MEF2C: variants seen among roughly 807,000 people sequenced by gnomAD.
The protein encoded by MEF2C is myocyte-specific enhancer factor 2C.
MEF2C carries 6 observed loss-of-function variants against 50.5 expected under a neutral mutation model. The ratio of observed to expected loss-of-function variants is 0.12; its 90% CI spans 0.07 to 0.23. MEF2C has a LOEUF of 0.23. Ranked by LOEUF, MEF2C falls within the 10% of genes least tolerant of loss-of-function variation. The pLI, the probability that MEF2C is intolerant of heterozygous loss-of-function variation, is 1.00. For missense variants in MEF2C, 276 were observed against 605.0 expected (o/e 0.46, Z 5.70); for synonymous variants, 183 against 228.0 (o/e 0.80, Z 1.78).
At chr5:88,805,587 T>A (rs1004959599) in intron 2 of MEF2C, among the ~76,000 whole-genome samples, 11 of 152,126 alleles carry the variant, frequency 7.2e-5, no homozygotes, top group Non-Finnish European at 1.5e-4. Context: ...CTCGATGATC[T>A]CCCTGCCTGG....
chr5:88,897,127 A>G (rs574811865), intron 1 of MEF2C, among the ~76,000 whole-genome samples: 1 of 152,328 alleles, frequency 6.6e-6, no homozygotes, highest in East Asian at 1.9e-4. Context: ...GATGCATGTT[A>G]TAGATAATAT....
intron 6 of MEF2C, chr5:88,740,760 C>G: frequency 1.0e-6 from 1 of 984,572 alleles, no homozygotes; most frequent in Non-Finnish European, 1.2e-6. Flanking sequence ...CATAAAAATG[C>G]TATTGAACCA....
chr5:88,843,281 T>G, intron 1 of MEF2C: 4 of 926,766 alleles, frequency 4.3e-6, no homozygotes, highest in Non-Finnish European at 5.1e-6. Context: ...TACTCCATTA[T>G]CCATGTGAGA....
intron 1 of MEF2C, among the ~76,000 whole-genome samples, chr5:88,834,725 G>A (rs1442088659): frequency 1.3e-5 from 2 of 152,200 alleles, no homozygotes; most frequent in East Asian, 3.9e-4. Context: ...TTATTTGGAG[G>A]ATGAATACTC....
At chr5:88,889,379 T>TC (rs879606845) in intron 1 of MEF2C, 5,590 of 149,562 alleles carry the variant, frequency 0.037, 124 homozygotes, top group Non-Finnish European at 0.05. Flanking sequence ...CGTCTCTGCT[T>TC]CCCCCCCCTT....
Position 88,822,964 on chromosome 5 carries a change from C to A in MEF2C, c.54+771G>T, listed in dbSNP as rs150699716. Among the ~76,000 whole-genome samples the A allele has an allele frequency of 2.6e-3, 397 of 152,080 alleles. 3 individuals carry two copies. Among genetic ancestry groups the A allele is most frequent in the African/African-American group, 8.9e-3 (371 of 41,536 alleles). Reference sequence around the variant, plus strand: ...ACCCAGCTGTCCTTACATAGCCTAACTAAATCCACTCTCCCCTAGTGTGAA... The same window carrying A: ...ACCCAGCTGTCCTTACATAGCCTAAATAAATCCACTCTCCCCTAGTGTGAA... On this transcript the variant is annotated intron_variant, in intron 2 of 10. Coordinates refer to ENST00000504921, the MANE Select transcript of MEF2C (RefSeq NM_002397.5).
chr5:88,875,108 T>C (rs1310258367), intron 1 of MEF2C, among the ~76,000 whole-genome samples: 1 of 152,028 alleles, frequency 6.6e-6, no homozygotes, highest in East Asian at 1.9e-4. Flanking sequence ...AACAAAGTTT[T>C]ACTTTATTTT....
rs377212152 is a variant in MEF2C, at chr5:88,858,716, G to T, written c.-143+24239C>A. Among the ~76,000 whole-genome samples the T allele has an allele frequency of 2.6e-5, 4 of 152,020 alleles. No homozygotes were observed. The East Asian group carries it at 7.7e-4, about 29-fold the overall frequency. On this transcript the variant is annotated intron_variant, in intron 1 of 10. Coordinates refer to ENST00000504921, the MANE Select transcript of MEF2C (RefSeq NM_002397.5). Reference sequence around the variant, plus strand: ...GAGAAATCTCTTTCTCATGTGTTCTGCATGTCAGCTAAAGACAACTAATAA... The same window carrying T: ...GAGAAATCTCTTTCTCATGTGTTCTTCATGTCAGCTAAAGACAACTAATAA...
intron 3 of MEF2C, chr5:88,768,704 G>A: frequency 1.0e-6 from 1 of 985,126 alleles, no homozygotes; most frequent in Non-Finnish European, 1.2e-6. Flanking sequence ...AAATGTTAGA[G>A]GGAGGAAGAT....
intron 1 of MEF2C, among the ~76,000 whole-genome samples, chr5:88,833,779 AT>A (rs934083193): frequency 6.6e-6 from 1 of 152,026 alleles, no homozygotes; most frequent in Non-Finnish European, 1.5e-5. Context: ...GGCTACTACG[AT>A]TTTTTTTAAG....
intron 1 of MEF2C, among the ~76,000 whole-genome samples, chr5:88,865,875 T>C (rs1234921073): frequency 6.6e-6 from 1 of 152,090 alleles, no homozygotes; most frequent in Non-Finnish European, 1.5e-5. Context: ...TCCCCAAATC[T>C]TTAAGTCACA....
At chr5:88,809,185 GATA>G (rs1801749533) in intron 2 of MEF2C, among the ~76,000 whole-genome samples, 1 of 152,092 alleles carries the variant, frequency 6.6e-6, no homozygotes, top group Non-Finnish European at 1.5e-5. Flanking sequence ...AGTAAGGACA[GATA>G]CCATACATCT....
chr5:88,736,942 C>T (rs1201550947), intron 6 of MEF2C: 2 of 985,010 alleles, frequency 2.0e-6, no homozygotes, highest in Non-Finnish European at 2.4e-6. Context: ...AGTTCCAACT[C>T]TTTCATGATG....
intron 2 of MEF2C, among the ~76,000 whole-genome samples, chr5:88,817,328 T>A (rs1805935645): frequency 6.6e-6 from 1 of 152,038 alleles, no homozygotes. Context: ...CATCTCTTTT[T>A]ATTTTTCAGT....
intron 3 of MEF2C, among the ~76,000 whole-genome samples, chr5:88,764,889 A>T (rs979892987): frequency 1.3e-5 from 2 of 152,160 alleles, no homozygotes; most frequent in Admixed American, 1.3e-4. Context: ...AAATAGAGCT[A>T]AAATATTGAT....
At chr5:88,864,518 A>G in intron 1 of MEF2C, among the ~76,000 whole-genome samples, 1 of 151,054 alleles carries the variant, frequency 6.6e-6, no homozygotes, top group East Asian at 1.9e-4. Context: ...TAATATGTGT[A>G]TTTACATATT....
chr5:88,730,286 A>G, intron 7 of MEF2C, 52 bp from the exon 8 acceptor site: 8 of 1,544,014 alleles, frequency 5.2e-6, no homozygotes, highest in South Asian at 3.6e-5. Flanking sequence ...AATATTTATA[A>G]TTGGGCAAAA....
chr5:88,805,109 A>G, intron 2 of MEF2C, among the ~76,000 whole-genome samples: 1 of 152,270 alleles, frequency 6.6e-6, no homozygotes, highest in Middle Eastern at 3.4e-3. Context: ...AAAAAAAATT[A>G]ATTTCAGCAT....
chr5:88,772,180 T>G (rs1223101714), intron 3 of MEF2C: 1 of 152,236 alleles, frequency 6.6e-6, no homozygotes, highest in Non-Finnish European at 1.5e-5. Flanking sequence ...AAGCAGAGTA[T>G]ACACAGAACT....
Sources: allele counts gnomAD v4.1 joint callset (sites outside exome capture counted in the v4.1 genomes callset), GRCh38; gene constraint gnomAD v4.1.1; transcripts MANE v1.5; gene names NCBI Gene and HGNC (gene_info 2026-07-23, HGNC 2026-07-21).